The following LTBP1 variants were observed in gnomAD, a reference collection of about 807,000 sequenced individuals.
The protein encoded by LTBP1 is latent transforming growth factor beta binding protein 1.
Under a neutral mutation model 207.6 loss-of-function variants are expected in LTBP1, and 129 were observed. That is an observed-to-expected ratio of 0.62 (90% CI 0.54 to 0.72). The LOEUF (loss-of-function observed/expected upper bound fraction) is 0.72. Ranked by LOEUF, LTBP1 falls within the 30% of genes least tolerant of loss-of-function variation. The probability of loss-of-function intolerance (pLI) is 0.00; values close to 1 mark genes in which losing one functional copy is unlikely to be tolerated. For missense variants in LTBP1, 2,281 were observed against 2,217.2 expected (o/e 1.03, Z -0.58); for synonymous variants, 963 against 833.7 (o/e 1.16, Z -2.67).
intron 3 of LTBP1, among the ~76,000 whole-genome samples, chr2:33,029,231 C>A (rs2075575808): frequency 6.6e-6 from 1 of 152,180 alleles, no homozygotes; most frequent in African/African-American, 2.4e-5. Context: ...CATCACAGCA[C>A]TTTGGGAGGC....
chr2:33,370,859 T>C (rs1469002417), intron 31 of LTBP1, among the ~76,000 whole-genome samples: 2 of 152,170 alleles, frequency 1.3e-5, no homozygotes, highest in African/African-American at 4.8e-5. Flanking sequence ...TCGCACCACT[T>C]GTCATCAGCT....
chr2:33,186,333 A>G (rs1023130202), intron 5 of LTBP1, among the ~76,000 whole-genome samples: 1 of 152,232 alleles, frequency 6.6e-6, no homozygotes, highest in African/African-American at 2.4e-5. Flanking sequence ...ACAGGCATGC[A>G]ATGCGTAATC....
intron 2 of LTBP1, among the ~76,000 whole-genome samples, chr2:32,995,548 G>A (rs1040472411): frequency 2.0e-5 from 3 of 152,174 alleles, no homozygotes; most frequent in East Asian, 1.9e-4. Flanking sequence ...TTGGGAGGCC[G>A]AGGCAGGCGG....
At chr2:33,181,176 G>A (rs192942451) in intron 5 of LTBP1, among the ~76,000 whole-genome samples, 5 of 152,252 alleles carry the variant, frequency 3.3e-5, no homozygotes, top group African/African-American at 1.2e-4. Flanking sequence ...AGTGCCTTTT[G>A]GGAACCAGCA....
chr2:33,336,423 C>G (rs945737840), intron 24 of LTBP1, among the ~76,000 whole-genome samples: 2 of 152,180 alleles, frequency 1.3e-5, no homozygotes, highest in African/African-American at 4.8e-5. Context: ...GACTATGTAA[C>G]CTTGAGGCAA....
intron 10 of LTBP1, among the ~76,000 whole-genome samples, chr2:33,251,371 A>G (rs1355413605): frequency 6.6e-6 from 1 of 152,152 alleles, no homozygotes; most frequent in East Asian, 1.9e-4. Context: ...AAGAGATGCT[A>G]GAGGAGGCTG....
chr2:33,168,698 C>T (rs1385359119), intron 5 of LTBP1, among the ~76,000 whole-genome samples: 1 of 151,790 alleles, frequency 6.6e-6, no homozygotes, highest in Non-Finnish European at 1.5e-5. Flanking sequence ...AAAAAAAAGG[C>T]ATCAGGAGCC....
intron 9 of LTBP1, among the ~76,000 whole-genome samples, chr2:33,239,661 G>A (rs1475883224): frequency 6.6e-6 from 1 of 151,838 alleles, no homozygotes; most frequent in South Asian, 2.1e-4. Context: ...GGGAGGCCGA[G>A]GTGGGCGGAT....
chr2:33,287,059 T>C (rs112518190), intron 19 of LTBP1, among the ~76,000 whole-genome samples: 4,270 of 152,258 alleles, frequency 0.028, 222 homozygotes, highest in African/African-American at 0.096. Context: ...TGTGCACATG[T>C]ACCCTAAAAC....
At chr2:33,252,403 A>T (rs80310941) in intron 10 of LTBP1, among the ~76,000 whole-genome samples, 2,219 of 152,330 alleles carry the variant, frequency 0.015, 22 homozygotes, top group East Asian at 0.025. Context: ...GTTTCTCTTC[A>T]TTACGCACAC....
chr2:33,338,398 A>T (rs1321452332), intron 24 of LTBP1, among the ~76,000 whole-genome samples: 2 of 152,234 alleles, frequency 1.3e-5, no homozygotes, highest in East Asian at 1.9e-4. Flanking sequence ...GAAAGCAAGG[A>T]TGTTCCTTCA....
chr2:33,148,386 C>G (rs1333882787), intron 5 of LTBP1, among the ~76,000 whole-genome samples: 1 of 152,192 alleles, frequency 6.6e-6, no homozygotes, highest in Non-Finnish European at 1.5e-5. Context: ...GTTCTCTATG[C>G]TGAACTTGCC....
At chr2:32,955,383 C>G (rs755969229) in intron 2 of LTBP1, among the ~76,000 whole-genome samples, 2 of 152,164 alleles carry the variant, frequency 1.3e-5, no homozygotes, top group African/African-American at 2.4e-5. Context: ...TTTGGGAGAG[C>G]TGGAAATTTG....
intron 31 of LTBP1, among the ~76,000 whole-genome samples, chr2:33,385,838 G>T (rs1166634866): frequency 1.3e-5 from 2 of 152,196 alleles, no homozygotes; most frequent in Non-Finnish European, 2.9e-5. Context: ...CACATCTTCA[G>T]ATACAGAAGA....
intron 5 of LTBP1, among the ~76,000 whole-genome samples, chr2:33,160,469 G>C (rs1033516223): frequency 1.3e-5 from 2 of 152,166 alleles, no homozygotes; most frequent in African/African-American, 4.8e-5. Context: ...GAGCTTGAAT[G>C]CCTGTGTAAG....
At chr2:33,290,270 A>T (rs192577262) in intron 19 of LTBP1, among the ~76,000 whole-genome samples, 222 of 152,344 alleles carry the variant, frequency 1.5e-3, no homozygotes, top group Admixed American at 2.6e-3. Context: ...TGCCACCTTG[A>T]CAACCAAGCC....
At chr2:33,281,427 G>A (rs1423755389) in intron 19 of LTBP1, among the ~76,000 whole-genome samples, 1 of 152,200 alleles carries the variant, frequency 6.6e-6, no homozygotes, top group Non-Finnish European at 1.5e-5. Context: ...GGCCAGTGTA[G>A]CTGAAGGCCA....
intron 5 of LTBP1, among the ~76,000 whole-genome samples, chr2:33,184,001 C>G (rs976175738): frequency 2.6e-5 from 4 of 152,104 alleles, no homozygotes; most frequent in African/African-American, 9.7e-5. Flanking sequence ...TCCCCTCTTC[C>G]TTGGCCTGCT....
intron 9 of LTBP1, among the ~76,000 whole-genome samples, chr2:33,234,902 A>G (rs2091967316): frequency 6.6e-6 from 1 of 152,202 alleles, no homozygotes; most frequent in African/African-American, 2.4e-5. Context: ...AATTAACTCA[A>G]GATGGATGAA....
Sources: gnomAD v4.1 joint callset for allele counts (sites outside exome capture counted in the v4.1 genomes callset) on GRCh38, gnomAD v4.1.1 for gene constraint, MANE v1.5 for transcripts, NCBI Gene and HGNC (gene_info 2026-07-23, HGNC 2026-07-21) for gene names.